Variants in CD38 observed in about 807,000 individuals in gnomAD.
CD38 encodes ADP-ribosyl cyclase/cyclic ADP-ribose hydrolase 1.
CD38 carries 31 observed loss-of-function variants against 36.3 expected under a neutral mutation model. That is an observed-to-expected ratio of 0.85 (90% confidence interval 0.64 to 1.15). The LOEUF (loss-of-function observed/expected upper bound fraction) is 1.15. Among genes scored for constraint, CD38 ranks in the 50% most tolerant of loss-of-function variants. The probability of loss-of-function intolerance (pLI) is 0.00; values close to 1 mark genes in which losing one functional copy is unlikely to be tolerated. For missense variants in CD38, 380 were observed against 371.9 expected, an observed-to-expected ratio of 1.02 and a Z score of -0.18; for synonymous variants, 131 against 135.2, an observed-to-expected ratio of 0.97 and a Z score of 0.22.
At chr4:15,826,459 GCACACACACACACACACACACACACA>G (rs67475051) in intron 3 of CD38, among the ~76,000 whole-genome samples, 3 of 146,348 alleles carry the variant, frequency 2.0e-5, no homozygotes, top group African/African-American at 7.6e-5. Flanking sequence ...ACTTTTGTGC[GCACACACACACACACACACACACACA>G]CACACACACA....
At chr4:15,828,366 A>C (rs1222537507) in intron 3 of CD38, among the ~76,000 whole-genome samples, 1 of 152,134 alleles carries the variant, frequency 6.6e-6, no homozygotes, top group African/African-American at 2.4e-5. Flanking sequence ...CTGTCTTAGC[A>C]ATGTTGAAAT....
At chr4:15,837,973 C>A in intron 4 of CD38, 119 bp from the exon 5 acceptor site, 1 of 774,568 alleles carries the variant, frequency 1.3e-6, no homozygotes, top group Non-Finnish European at 2.1e-6. Flanking sequence ...CATTCCTGGG[C>A]TAAAACCATA....
intron 1 of CD38, among the ~76,000 whole-genome samples, chr4:15,794,474 G>A (rs1723067261): frequency 6.6e-6 from 1 of 152,164 alleles, no homozygotes; most frequent in Non-Finnish European, 1.5e-5. Flanking sequence ...ACAGACACAA[G>A]GAAAGAAAAC....
At chr4:15,814,382 C>G (rs1723538179) in intron 1 of CD38, among the ~76,000 whole-genome samples, 1 of 152,082 alleles carries the variant, frequency 6.6e-6, no homozygotes, top group African/African-American at 2.4e-5. Flanking sequence ...TTCTCCCATT[C>G]TGTAGGTTGC....
chr4:15,795,589 C>T (rs559971489), intron 1 of CD38, among the ~76,000 whole-genome samples: 22 of 151,878 alleles, frequency 1.4e-4, no homozygotes, highest in African/African-American at 2.4e-4. Flanking sequence ...TTCTAAATAG[C>T]GGAGAAACCC....
chr4:15,835,049 A>T (rs370818304), intron 4 of CD38, among the ~76,000 whole-genome samples: 6 of 152,306 alleles, frequency 3.9e-5, no homozygotes, highest in African/African-American at 1.4e-4. Context: ...AGCATTGAAT[A>T]TCCCCCTTCT....
intron 1 of CD38, among the ~76,000 whole-genome samples, chr4:15,781,175 T>C (rs1722688119): frequency 6.6e-6 from 1 of 152,178 alleles, no homozygotes; most frequent in African/African-American, 2.4e-5. Flanking sequence ...ACCAAACCTA[T>C]AAGATCATTA....
At chr4:15,787,154 C>G (rs563616447) in intron 1 of CD38, among the ~76,000 whole-genome samples, 1 of 152,356 alleles carries the variant, frequency 6.6e-6, no homozygotes, top group East Asian at 1.9e-4. Context: ...GGGTCTCCCA[C>G]AGTGCAGCTG....
At chr4:15,802,996 T>G (rs759700671) in intron 1 of CD38, among the ~76,000 whole-genome samples, 10 of 152,292 alleles carry the variant, frequency 6.6e-5, no homozygotes, top group Non-Finnish European at 1.2e-4. Context: ...ATTCACATAT[T>G]TATGGCCTAT....
intron 1 of CD38, among the ~76,000 whole-genome samples, chr4:15,799,910 C>T (rs929970469): frequency 1.1e-4 from 17 of 152,194 alleles, no homozygotes; most frequent in African/African-American, 4.1e-4. Flanking sequence ...TCTTGGGTAA[C>T]TGCCACACTT....
chr4:15,801,657 A>G (rs1723225782), intron 1 of CD38, among the ~76,000 whole-genome samples: 1 of 152,136 alleles, frequency 6.6e-6, no homozygotes. Context: ...ATCAACAAAC[A>G]TAATACATCC....
At chr4:15,847,158 C>G (rs1344258661) in intron 7 of CD38, among the ~76,000 whole-genome samples, 1 of 3,748 alleles carries the variant, frequency 2.7e-4, no homozygotes, top group African/African-American at 3.5e-3. Flanking sequence ...TGGAACCAAC[C>G]CAAATGTCCA....
At chr4:15,780,112 G>T (rs769559986) in intron 1 of CD38, among the ~76,000 whole-genome samples, 107 of 152,206 alleles carry the variant, frequency 7.0e-4, no homozygotes, top group Non-Finnish European at 1.3e-3. Context: ...TACATACATT[G>T]TGTGTACATA....
intron 6 of CD38, 115 bp downstream of exon 6, chr4:15,840,233 T>C (rs1724173116): frequency 3.7e-6 from 3 of 803,532 alleles, no homozygotes; most frequent in Non-Finnish European, 4.3e-6. Context: ...ACTACATGAA[T>C]GTGCATGAAT....
chr4:15,813,358 A>G (rs1032722376), intron 1 of CD38, among the ~76,000 whole-genome samples: 4 of 152,054 alleles, frequency 2.6e-5, no homozygotes, highest in Non-Finnish European at 4.4e-5. Flanking sequence ...TTGTGTGTCT[A>G]TTGAGATGAT....
intron 6 of CD38, among the ~76,000 whole-genome samples, 158 bp downstream of exon 6, chr4:15,840,276 G>A (rs1011790476): frequency 6.6e-6 from 1 of 152,100 alleles, no homozygotes; most frequent in African/African-American, 2.4e-5. Flanking sequence ...CTCCACAAAG[G>A]ATATTTAACT....
chr4:15,817,843 GA>G (rs933453139), intron 2 of CD38, among the ~76,000 whole-genome samples: 19 of 152,254 alleles, frequency 1.2e-4, no homozygotes, highest in African/African-American at 4.6e-4. Flanking sequence ...GAAGGTGGGT[GA>G]TTTCTGCATT....
chr4:15,839,932 T>C (rs1328618835), intron 5 of CD38, 94 bp from the exon 6 acceptor site: 1 of 823,890 alleles, frequency 1.2e-6, no homozygotes, highest in Non-Finnish European at 2.2e-6. Context: ...GGATAGGTCC[T>C]AGCCAGTGCC....
At chr4:15,780,366 A>T (rs578026310) in intron 1 of CD38, among the ~76,000 whole-genome samples, 1 of 152,334 alleles carries the variant, frequency 6.6e-6, no homozygotes, top group African/African-American at 2.4e-5. Flanking sequence ...TTGTTCCCTC[A>T]GTATCAGTGA....
Sources: gnomAD v4.1 joint callset for allele counts (sites outside exome capture counted in the v4.1 genomes callset) on GRCh38, gnomAD v4.1.1 for gene constraint, MANE v1.5 for transcripts, NCBI Gene and HGNC (gene_info 2026-07-23, HGNC 2026-07-21) for gene names.